CACNA1D: variants seen among roughly 807,000 people sequenced by gnomAD.
CACNA1D encodes the protein voltage-dependent L-type calcium channel subunit alpha-1D.
A neutral mutation model predicts 257.1 loss-of-function variants in CACNA1D; 55 were observed. The observed-to-expected ratio is 0.21, with a 90% CI of 0.17 to 0.27. CACNA1D has a LOEUF of 0.27. Ranked by LOEUF, CACNA1D falls within the 10% of genes least tolerant of loss-of-function variation. The pLI is 1.00. For synonymous variants in CACNA1D, 980 were observed against 1,014.9 expected, an observed-to-expected ratio of 0.97 and a Z score of 0.65; for missense variants, 1,876 against 2,784.0, an observed-to-expected ratio of 0.67 and a Z score of 7.34.
At position 53,786,892 on chromosome 3, in the gene CACNA1D, A is replaced by T. The variant is rs2109109769; in HGVS notation, c.4863A>T (p.Lys1621Asn). 2 of 1,614,006 alleles carry T rather than the reference A, an allele frequency of 1.2e-6. No individual in the cohort carries two copies. The highest frequency in any genetic ancestry group is 2.7e-5 in the African/African-American group (2 of 75,024). Residue 1621 changes from lysine (K) to asparagine (N), a missense_variant, in exon 40 of 48, where the codon AAA becomes AAT. Transcript: ENST00000350061. Reference sequence around the variant, plus strand: ...AGGACTACTTTAGGAAATTCAAGAAACGGAAAGAACAAGGACTGGTGGGAA... The same window carrying T: ...AGGACTACTTTAGGAAATTCAAGAATCGGAAAGAACAAGGACTGGTGGGAA... Reference protein sequence around the residue: ...LIQDYFRKFKKRKEQGLVGKY... With the variant: ...LIQDYFRKFKNRKEQGLVGKY...
intron 29 of CACNA1D, among the ~76,000 whole-genome samples, chr3:53,760,027 T>G (rs2095291435): frequency 6.6e-6 from 1 of 152,230 alleles, no homozygotes; most frequent in South Asian, 2.1e-4. Context: ...CACAAATTCC[T>G]TTTGTCTGCT....
intron 30 of CACNA1D, among the ~76,000 whole-genome samples, chr3:53,767,650 C>T (rs2095341773): frequency 6.8e-6 from 1 of 146,902 alleles, no homozygotes; most frequent in African/African-American, 2.4e-5. Context: ...TGGGGTGGGA[C>T]CTGGGCTTCA....
In CACNA1D at chr3:53,754,443, C is replaced by T. The variant is rs372458128; in HGVS notation, c.3786+761C>T. On this transcript the variant is annotated intron_variant, in intron 29 of 47. Coordinates refer to ENST00000350061, the MANE Select transcript of CACNA1D (RefSeq NM_001128840.3). ...ACAAGTTCCTTTCTTCCCTGCGCCT[C>T]GACTTCCTCACCCATAAAATGAGGA... Among the ~76,000 whole-genome samples the T allele has an allele frequency of 3.3e-5, 5 of 152,204 alleles. No homozygotes were observed. The South Asian group carries it at 8.3e-4, about 25-fold the overall frequency.
intron 8 of CACNA1D, chr3:53,679,307 A>AG (rs2094406954): frequency 1.5e-5 from 2 of 132,232 alleles, no homozygotes; most frequent in Non-Finnish European, 3.1e-5. Flanking sequence ...AAAAAAAAAA[A>AG]GACTTTTCTC....
intron 9 of CACNA1D, among the ~76,000 whole-genome samples, chr3:53,707,472 T>G (rs1349161617): frequency 6.6e-6 from 1 of 152,214 alleles, no homozygotes; most frequent in Non-Finnish European, 1.5e-5. Flanking sequence ...TGGTGACAGG[T>G]AGCTCCAGCT....
intron 3 of CACNA1D, among the ~76,000 whole-genome samples, chr3:53,592,996 GTTCTTTTACTCTCT>G (rs1324896006): frequency 1.3e-5 from 2 of 152,140 alleles, no homozygotes; most frequent in Admixed American, 1.3e-4. Context: ...GCCAATCCTA[GTTCTTTTACTCTCT>G]TGCTTTTGCT....
intron 29 of CACNA1D, among the ~76,000 whole-genome samples, chr3:53,758,494 A>G (rs1175375780): frequency 2.0e-5 from 3 of 152,178 alleles, no homozygotes; most frequent in African/African-American, 7.2e-5. Context: ...ATATCCTGGC[A>G]AGAGGGCCAG....
At chr3:53,580,171 A>G (rs554518852) in intron 3 of CACNA1D, among the ~76,000 whole-genome samples, 6 of 152,228 alleles carry the variant, frequency 3.9e-5, no homozygotes, top group African/African-American at 1.4e-4. Flanking sequence ...AAAAAATGAG[A>G]GTGCTTTCTT....
chr3:53,545,809 G>C (rs1398090136), intron 3 of CACNA1D, among the ~76,000 whole-genome samples: 1 of 152,214 alleles, frequency 6.6e-6, no homozygotes, highest in African/African-American at 2.4e-5. Flanking sequence ...AGGGGGCAGG[G>C]AGGAGGCGCT....
At position 53,772,858 on chromosome 3, in the gene CACNA1D, T is replaced by C; in HGVS notation, c.4070T>C (p.Ile1357Thr). Residue 1357 changes from isoleucine (I) to threonine (T), a missense_variant, in exon 33 of 48, where the codon ATA becomes ACA. Physicochemically the swap from Ile to Thr is moderately conservative, Grantham distance 89. This residue lies in a region of CACNA1D where 204 missense variants were observed against 309.4 expected (regional missense o/e 0.66). Transcript: ENST00000350061. ...FQALPYVALL[I>T]AMLFFIYAVI... ...GCGCTCCCGTATGTGGCCCTCCTCA[T>C]AGCCATGCTGTTCTTCATCTATGCG... The C allele has an allele frequency of 6.2e-7, 1 of 1,613,552 alleles. No homozygotes were observed. Among genetic ancestry groups the C allele is most frequent in the Non-Finnish European group, 8.5e-7 (1 of 1,179,838 alleles).
chr3:53,691,598 G>A (rs2094519870), intron 8 of CACNA1D, among the ~76,000 whole-genome samples: 1 of 147,564 alleles, frequency 6.8e-6, no homozygotes, highest in Non-Finnish European at 1.5e-5. Context: ...AGGAGATACA[G>A]TGAAAGGAAG....
intron 3 of CACNA1D, among the ~76,000 whole-genome samples, chr3:53,569,856 T>C (rs2092913004): frequency 6.6e-6 from 1 of 152,224 alleles, no homozygotes; most frequent in South Asian, 2.1e-4. Flanking sequence ...ACATACAGTC[T>C]TAGGCCTTAG....
chr3:53,634,088 T>C (rs1197392051), intron 3 of CACNA1D, among the ~76,000 whole-genome samples: 2 of 152,212 alleles, frequency 1.3e-5, no homozygotes, highest in African/African-American at 4.8e-5. Flanking sequence ...CCTCAATTTA[T>C]AGGGAGTGAC....
Position 53,718,491 on chromosome 3 carries a change from T to G in CACNA1D, c.1478+103T>G. The G allele has an allele frequency of 7.6e-6, 9 of 1,183,976 alleles. No individual in the cohort carries two copies. In the Middle Eastern group the frequency reaches 1.3e-3, roughly 176 times the overall value. The allele number at this position is 1,183,976 out of a possible 1,614,324, so 73.3% of individuals were successfully genotyped here. Reference sequence around the variant, plus strand: ...TGCAGCAGAGCCCCGGGCCATCGCCTTGGGTGTGGCGGGTGGGAAGGCTCC... The same window carrying G: ...TGCAGCAGAGCCCCGGGCCATCGCCGTGGGTGTGGCGGGTGGGAAGGCTCC... On this transcript the variant is annotated intron_variant, in intron 10 of 47. Transcript: ENST00000350061.
intron 3 of CACNA1D, among the ~76,000 whole-genome samples, chr3:53,609,376 C>T (rs545642046): frequency 1.4e-5 from 2 of 140,216 alleles, no homozygotes; most frequent in East Asian, 4.1e-4. Context: ...CGCCACTGCA[C>T]TCCAGCCTGG....
intron 45 of CACNA1D, among the ~76,000 whole-genome samples, chr3:53,806,816 C>T (rs910524762): frequency 6.6e-6 from 1 of 152,148 alleles, no homozygotes. Flanking sequence ...TAAATGAAGT[C>T]ACTCCTTTCC....
chr3:53,612,847 G>A (rs1241258075), intron 3 of CACNA1D, among the ~76,000 whole-genome samples: 1 of 152,190 alleles, frequency 6.6e-6, no homozygotes, highest in Non-Finnish European at 1.5e-5. Flanking sequence ...AGTCTTCACT[G>A]TCTGTCGTTG....
intron 3 of CACNA1D, among the ~76,000 whole-genome samples, chr3:53,627,480 T>C (rs1393106444): frequency 6.6e-6 from 1 of 152,136 alleles, no homozygotes; most frequent in African/African-American, 2.4e-5. Flanking sequence ...ATTGTCTTGA[T>C]GATTCTCTTA....
chr3:53,790,157 C>T (rs1280857256), intron 40 of CACNA1D, among the ~76,000 whole-genome samples: 1 of 152,174 alleles, frequency 6.6e-6, no homozygotes, highest in Admixed American at 6.5e-5. Flanking sequence ...AGCATTTGCT[C>T]GTCATCCATT....
Sources: gnomAD v4.1 joint callset for allele counts (sites outside exome capture counted in the v4.1 genomes callset) on GRCh38, gnomAD v4.1.1 for gene constraint, gnomAD v4.1.1 regional missense constraint, MANE v1.5 for transcripts, NCBI Gene and HGNC (gene_info 2026-07-23, HGNC 2026-07-21) for gene names.